The following RABGAP1 variants were observed in gnomAD, a reference collection of about 807,000 sequenced individuals.
The protein encoded by RABGAP1 is rab GTPase-activating protein 1.
In RABGAP1, 23 loss-of-function variants were observed where a neutral mutation model predicts 137.6. That is an observed-to-expected ratio of 0.17 (90% CI 0.12 to 0.24). RABGAP1 has a LOEUF of 0.24. Ranked by LOEUF, RABGAP1 falls within the 10% of genes least tolerant of loss-of-function variation. RABGAP1 has a pLI of 1.00. For missense variants in RABGAP1, 906 were observed against 1,275.8 expected, an observed-to-expected ratio of 0.71 and a Z score of 4.42; for synonymous variants, 451 against 450.7, an observed-to-expected ratio of 1.00 and a Z score of -0.01.
chr9:123,009,061 TGACA>T (rs1249348178), intron 10 of RABGAP1, among the ~76,000 whole-genome samples: 1 of 152,188 alleles, frequency 6.6e-6, no homozygotes, highest in Non-Finnish European at 1.5e-5. Flanking sequence ...AAACCAAAGT[TGACA>T]GACAGGCCTG....
chr9:123,021,290 AT>A (rs1372010226), intron 13 of RABGAP1, among the ~76,000 whole-genome samples: 8 of 123,778 alleles, frequency 6.5e-5, no homozygotes, highest in African/African-American at 2.8e-4. Flanking sequence ...TAAAGCTGTT[AT>A]TTAAAAAAAA....
chr9:122,951,576 T>G (rs1378861970), intron 1 of RABGAP1, among the ~76,000 whole-genome samples: 1 of 151,594 alleles, frequency 6.6e-6, no homozygotes, highest in African/African-American at 2.4e-5. Context: ...AATGTGAATT[T>G]TTTTTTTTTT....
intron 13 of RABGAP1, among the ~76,000 whole-genome samples, chr9:123,041,247 C>T (rs2032937529): frequency 6.6e-6 from 1 of 152,220 alleles, no homozygotes; most frequent in African/African-American, 2.4e-5. Context: ...CAGAGTCAGA[C>T]AGCTTATAAG....
chr9:122,977,221 C>T (rs1487679644), intron 2 of RABGAP1, among the ~76,000 whole-genome samples: 2 of 152,144 alleles, frequency 1.3e-5, no homozygotes, highest in African/African-American at 2.4e-5. Flanking sequence ...AAACTACTAA[C>T]TGCAGTAGGC....
At chr9:123,068,843 A>G (rs971766812) in intron 14 of RABGAP1, among the ~76,000 whole-genome samples, 5 of 152,248 alleles carry the variant, frequency 3.3e-5, no homozygotes, top group African/African-American at 1.2e-4. Flanking sequence ...CTAGCATCTA[A>G]TAAGTATTGG....
At chr9:123,004,199 C>T (rs937965957) in intron 10 of RABGAP1, among the ~76,000 whole-genome samples, 1 of 152,220 alleles carries the variant, frequency 6.6e-6, no homozygotes, top group African/African-American at 2.4e-5. Flanking sequence ...ACCACTGGAT[C>T]TCTCCTTTGT....
chr9:123,033,778 G>GT (rs1156695367), intron 13 of RABGAP1: 2 of 152,206 alleles, frequency 1.3e-5, no homozygotes, highest in African/African-American at 4.8e-5. Flanking sequence ...AGTAAATTCT[G>GT]TTGAAATGTT....
At chr9:122,989,771 G>A (rs1249030124) in intron 5 of RABGAP1, 5 of 516,018 alleles carry the variant, frequency 9.7e-6, no homozygotes, top group Non-Finnish European at 1.4e-5. Flanking sequence ...ATCAAAACTT[G>A]TTAGGACTGT....
At chr9:122,960,489 A>G (rs1003582991) in intron 2 of RABGAP1, among the ~76,000 whole-genome samples, 1 of 152,232 alleles carries the variant, frequency 6.6e-6, no homozygotes, top group Non-Finnish European at 1.5e-5. Flanking sequence ...AATGGAATCT[A>G]CAAAAATCAA....
chr9:122,946,021 GAA>G (rs1186634814), intron 1 of RABGAP1: 1 of 152,098 alleles, frequency 6.6e-6, no homozygotes, highest in Non-Finnish European at 1.5e-5. Flanking sequence ...TGAGAACGGG[GAA>G]AAGAGTAGAA....
intron 2 of RABGAP1, among the ~76,000 whole-genome samples, chr9:122,975,688 A>G: frequency 6.6e-6 from 1 of 152,166 alleles, no homozygotes; most frequent in East Asian, 1.9e-4. Flanking sequence ...AGGAATACCA[A>G]CACTTATTGG....
chr9:123,049,213 C>T (rs1402834216), intron 13 of RABGAP1, among the ~76,000 whole-genome samples: 1 of 152,080 alleles, frequency 6.6e-6, no homozygotes, highest in East Asian at 1.9e-4. Flanking sequence ...ATTTGGCAAA[C>T]ATTTCTAGAG....
At chr9:123,036,622 TG>T (rs2032677892) in intron 13 of RABGAP1, among the ~76,000 whole-genome samples, 1 of 152,300 alleles carries the variant, frequency 6.6e-6, no homozygotes, top group East Asian at 1.9e-4. Flanking sequence ...GTATACAGAT[TG>T]TTTTTTTAAA....
chr9:122,942,138 T>A (rs1833611391), intron 1 of RABGAP1, among the ~76,000 whole-genome samples: 1 of 152,198 alleles, frequency 6.6e-6, no homozygotes, highest in South Asian at 2.1e-4. Context: ...TAAGTGAGTT[T>A]CCAGCTGTTT....
At chr9:122,941,128 C>T (rs903875718) in intron 1 of RABGAP1, 35 bp downstream of exon 1, 1 of 152,386 alleles carries the variant, frequency 6.6e-6, no homozygotes, top group African/African-American at 2.4e-5. Flanking sequence ...TCCTCCCACC[C>T]TCCTACCTAC....
At chr9:123,015,667 T>G (rs2031171810) in intron 12 of RABGAP1, 31 bp downstream of exon 12, 1 of 1,479,324 alleles carries the variant, frequency 6.8e-7, no homozygotes, top group Non-Finnish European at 9.4e-7. Context: ...TTTTTTTATC[T>G]GCAATTTTCA....
At chr9:122,953,956 A>G (rs1371200134) in intron 1 of RABGAP1, among the ~76,000 whole-genome samples, 2 of 152,204 alleles carry the variant, frequency 1.3e-5, no homozygotes, top group African/African-American at 4.8e-5. Flanking sequence ...TGCCCTCATG[A>G]ACCTTAGGTT....
chr9:122,934,427 C>G, the RABGAP1 span, among the ~76,000 whole-genome samples: 1 of 152,250 alleles, frequency 6.6e-6, no homozygotes, highest in Non-Finnish European at 1.5e-5. Context: ...TCAAGTGATT[C>G]TCTTGTAGAC....
intron 19 of RABGAP1, among the ~76,000 whole-genome samples, chr9:123,084,947 A>G (rs765910543): frequency 3.9e-4 from 59 of 152,192 alleles, no homozygotes; most frequent in Non-Finnish European, 7.1e-4. Context: ...CCGAGCTCTT[A>G]GTGGGCAGGT....
Sources: gnomAD v4.1 joint callset for allele counts (sites outside exome capture counted in the v4.1 genomes callset) on GRCh38, gnomAD v4.1.1 for gene constraint, MANE v1.5 for transcripts, NCBI Gene and HGNC (gene_info 2026-07-23, HGNC 2026-07-21) for gene names.